Variants in ITFG1 observed in about 807,000 individuals in gnomAD.
ITFG1 encodes integrin alpha FG-GAP repeat containing 1.
ITFG1 carries 34 observed loss-of-function variants against 81.8 expected under a neutral mutation model. The observed-to-expected ratio is 0.42, with a 90% CI of 0.32 to 0.55. The LOEUF is 0.55. Among genes scored for constraint, ITFG1 ranks in the 20% least tolerant of loss-of-function variants. ITFG1 has a pLI of 0.17. For missense variants in ITFG1, 672 were observed against 755.4 expected (o/e 0.89, Z 1.29); for synonymous variants, 285 against 270.6 (o/e 1.05, Z -0.52).
intron 12 of ITFG1, among the ~76,000 whole-genome samples, chr16:47,257,299 A>G (rs1015971554): frequency 6.6e-6 from 1 of 152,248 alleles, no homozygotes; most frequent in African/African-American, 2.4e-5. Flanking sequence ...ACTGTATACA[A>G]GATCAATACA....
At chr16:47,225,730 A>AT (rs1176732998) in intron 13 of ITFG1, among the ~76,000 whole-genome samples, 1 of 152,222 alleles carries the variant, frequency 6.6e-6, no homozygotes, top group Non-Finnish European at 1.5e-5. Flanking sequence ...GGAAATTAAC[A>AT]TATTGCCAGA....
intron 14 of ITFG1, among the ~76,000 whole-genome samples, chr16:47,183,507 G>T (rs1965163139): frequency 6.6e-6 from 1 of 152,216 alleles, no homozygotes; most frequent in South Asian, 2.1e-4. Flanking sequence ...TAACTGGGAG[G>T]CACCGCCCAG....
chr16:47,366,937 T>A (rs538279912), intron 7 of ITFG1, among the ~76,000 whole-genome samples: 1 of 152,260 alleles, frequency 6.6e-6, no homozygotes, highest in East Asian at 1.9e-4. Flanking sequence ...ATTTCTGCAG[T>A]GGATACTACC....
intron 12 of ITFG1, among the ~76,000 whole-genome samples, chr16:47,247,978 G>A (rs189097118): frequency 1.3e-5 from 2 of 152,226 alleles, no homozygotes; most frequent in South Asian, 2.1e-4. Context: ...AACCAGAAAT[G>A]GAACTTGCTA....
intron 6 of ITFG1, among the ~76,000 whole-genome samples, chr16:47,387,704 T>C (rs1044538753): frequency 2.0e-5 from 3 of 152,238 alleles, no homozygotes; most frequent in Non-Finnish European, 4.4e-5. Flanking sequence ...TCATACCTTC[T>C]TGGCTTTTGA....
chr16:47,346,621 G>T (rs1258673059), intron 8 of ITFG1, among the ~76,000 whole-genome samples: 11 of 152,156 alleles, frequency 7.2e-5, no homozygotes, highest in Admixed American at 7.2e-4. Flanking sequence ...GAACATAAGA[G>T]ATTATTATGA....
At chr16:47,161,637 A>G in intron 16 of ITFG1, 113 bp downstream of exon 16, 1 of 634,344 alleles carries the variant, frequency 1.6e-6, no homozygotes. Context: ...AAATTAAGGG[A>G]TGGGCACTCA....
At chr16:47,378,467 A>C (rs1968354975) in intron 6 of ITFG1, among the ~76,000 whole-genome samples, 1 of 152,120 alleles carries the variant, frequency 6.6e-6, no homozygotes, top group Non-Finnish European at 1.5e-5. Flanking sequence ...CCAATTCAAA[A>C]ATTTTTTTCC....
intron 6 of ITFG1, among the ~76,000 whole-genome samples, chr16:47,410,044 C>T (rs765234631): frequency 6.6e-6 from 1 of 152,112 alleles, no homozygotes; most frequent in African/African-American, 2.4e-5. Flanking sequence ...GAGGCCAAGG[C>T]AAGAGGATCG....
In ITFG1 at chr16:47,427,704, T is replaced by G. The variant is rs1237114763; in HGVS notation, c.655+1100A>C. 7.9e-5 allele frequency among the ~76,000 whole-genome samples: 12 copies of G among 152,100 alleles called. No homozygotes were observed. The East Asian group carries it at 2.3e-3, about 29-fold the overall frequency. On this transcript the variant is annotated intron_variant, in intron 6 of 17. Coordinates refer to ENST00000320640, the MANE Select transcript of ITFG1 (RefSeq NM_030790.5). ...ATACAATCTGAAAAATCCACACAACTGTACAGCACAGATGTGTACAGCACA... is the reference window on the plus strand; with the variant it reads ...ATACAATCTGAAAAATCCACACAACGGTACAGCACAGATGTGTACAGCACA...
At chr16:47,419,393 C>G (rs568973526) in intron 6 of ITFG1, among the ~76,000 whole-genome samples, 1 of 152,160 alleles carries the variant, frequency 6.6e-6, no homozygotes, top group African/African-American at 2.4e-5. Context: ...CTCAGCCTCC[C>G]AAGCAGCTGG....
At chr16:47,436,928 C>G (rs953652691) in intron 5 of ITFG1, among the ~76,000 whole-genome samples, 1 of 152,152 alleles carries the variant, frequency 6.6e-6, no homozygotes, top group Non-Finnish European at 1.5e-5. Context: ...AAAAAAATAA[C>G]TATTAGCTAT....
chr16:47,343,971 C>T (rs961601195), intron 8 of ITFG1, among the ~76,000 whole-genome samples: 2 of 152,038 alleles, frequency 1.3e-5, no homozygotes, highest in Non-Finnish European at 2.9e-5. Flanking sequence ...GTTCTGATAC[C>T]AGACAGAACA....
chr16:47,380,327 T>G (rs1269495921), intron 6 of ITFG1, among the ~76,000 whole-genome samples: 1 of 152,220 alleles, frequency 6.6e-6, no homozygotes, highest in Non-Finnish European at 1.5e-5. Context: ...ACAGCTAGTC[T>G]CCTTTCCTGT....
At chr16:47,377,269 A>G (rs1353058718) in intron 6 of ITFG1, among the ~76,000 whole-genome samples, 1 of 152,148 alleles carries the variant, frequency 6.6e-6, no homozygotes, top group Non-Finnish European at 1.5e-5. Context: ...ATAGCTCTGT[A>G]TTTATTTCCA....
At chr16:47,290,584 G>GT in intron 10 of ITFG1, among the ~76,000 whole-genome samples, 1 of 152,186 alleles carries the variant, frequency 6.6e-6, no homozygotes, top group East Asian at 1.9e-4. Flanking sequence ...TGTTTTTAGA[G>GT]TTTTTAAAAA....
intron 12 of ITFG1, among the ~76,000 whole-genome samples, chr16:47,239,079 C>T (rs931104339): frequency 1.3e-5 from 2 of 152,164 alleles, no homozygotes; most frequent in African/African-American, 4.8e-5. Flanking sequence ...CAACAAGGTG[C>T]CATTTTTGAA....
intron 5 of ITFG1, among the ~76,000 whole-genome samples, chr16:47,429,251 T>C (rs996635915): frequency 6.6e-6 from 1 of 152,238 alleles, no homozygotes. Context: ...GTTAGAATAA[T>C]GTTTTCAAGT....
intron 14 of ITFG1, among the ~76,000 whole-genome samples, chr16:47,210,304 G>A (rs1038432851): frequency 9.2e-5 from 14 of 152,034 alleles, no homozygotes; most frequent in East Asian, 1.9e-4. Flanking sequence ...TACTGTTAAC[G>A]TCTTTTCATG....
Sources: allele counts gnomAD v4.1 joint callset (sites outside exome capture counted in the v4.1 genomes callset), GRCh38; gene constraint gnomAD v4.1.1; transcripts MANE v1.5; gene names NCBI Gene and HGNC (gene_info 2026-07-23, HGNC 2026-07-21).